The following SERPINB5 variants were observed in gnomAD, a reference collection of about 807,000 sequenced individuals.
The protein encoded by SERPINB5 is serpin B5.
In SERPINB5, 27 loss-of-function variants were observed where a neutral mutation model predicts 32.2. The ratio of observed to expected loss-of-function variants is 0.84; its 90% confidence interval spans 0.62 to 1.16. SERPINB5 has a LOEUF of 1.16. SERPINB5 is among the 50% of genes most tolerant of loss of function. The pLI is 0.00. For missense variants in SERPINB5, 388 were observed against 436.3 expected (o/e 0.89, Z 0.99); for synonymous variants, 154 against 157.4 (o/e 0.98, Z 0.16).
rs768100816 is a variant in SERPINB5, at chr18:63,493,019, C to G, written c.491C>G (p.Ala164Gly). The change falls in exon 5 of 7, where the codon GCT (alanine) becomes GGT (glycine). Residue 164 changes from alanine to glycine, a missense_variant. By Grantham distance (60) the Ala-to-Gly change is moderately conservative (BLOSUM62 0). Coordinates refer to ENST00000382771, the MANE Select transcript of SERPINB5 (RefSeq NM_002639.5). ...NDQTKILVVNAAYFVGKWMKK... is the reference protein window; with the variant it reads ...NDQTKILVVNGAYFVGKWMKK... The stretch of plus-strand genomic sequence containing the variant: ...CAGACCAAAATCCTTGTGGTTAATG[C>G]TGCCTACTTTGTTGGCAAGTGGATG... 4 of 1,614,064 alleles carry G rather than the reference C, an allele frequency of 2.5e-6. No homozygotes were observed. In the African/African-American group the frequency reaches 4.0e-5, roughly 16 times the overall value.
At chr18:63,478,758 G>GCTT (rs11437448) in intron 1 of SERPINB5, among the ~76,000 whole-genome samples, 3 of 135,382 alleles carry the variant, frequency 2.2e-5, no homozygotes, top group Non-Finnish European at 3.1e-5. Flanking sequence ...TAAAAACGTA[G>GCTT]TTTTTTTTTT....
At chr18:63,478,818 G>A (rs1365087343) in intron 1 of SERPINB5, among the ~76,000 whole-genome samples, 1 of 147,760 alleles carries the variant, frequency 6.8e-6, no homozygotes, top group Non-Finnish European at 1.5e-5. Flanking sequence ...GGAGTGCAGT[G>A]GCACGATCTT....
rs940272588 is a variant in SERPINB5, at chr18:63,503,874, CAGAT to C, written c.*156_*159del. ...GTACTTGTCATATGTAGCCTTCACA[CAGAT>C]AGACCTTTTTTTTTTTTCCAATTCT... On this transcript the variant is annotated 3_prime_UTR_variant, in exon 7 of 7. Coordinates refer to ENST00000382771, the MANE Select transcript of SERPINB5 (RefSeq NM_002639.5). 2 of 682,260 alleles carry C rather than the reference CAGAT, an allele frequency of 2.9e-6. No individual in the cohort carries two copies. Among genetic ancestry groups the C allele is most frequent in the Admixed American group, 2.9e-5 (1 of 34,128 alleles). The allele number at this position is 682,260 out of a possible 1,614,324, so 42.3% of individuals were successfully genotyped here.
At chr18:63,479,094 C>T (rs1196167745) in intron 1 of SERPINB5, among the ~76,000 whole-genome samples, 1 of 152,132 alleles carries the variant, frequency 6.6e-6, no homozygotes, top group Non-Finnish European at 1.5e-5. Context: ...AAAAACTATA[C>T]TCATAGCTCT....
chr18:63,493,105 G>A lies in SERPINB5; in HGVS notation c.567+10G>A. ...TTTCAGAGTCAACAAGGTATGTGGG[G>A]CAGCATGTAGCAGTAAAAGGAGCCC... is the stretch of plus-strand genomic sequence containing the variant. On this transcript the variant is annotated intron_variant, in intron 5 of 6. Transcript: ENST00000382771. 1 of 1,614,116 alleles carries A rather than the reference G, an allele frequency of 6.2e-7. No individual in the cohort carries two copies. The highest frequency in any genetic ancestry group is 8.5e-7 in the Non-Finnish European group (1 of 1,180,026).
At position 63,505,040 on chromosome 18, in the gene SERPINB5, T is replaced by C. The variant is rs531952507; in HGVS notation, c.*1318T>C. 1.4e-4 allele frequency: 21 copies of C among 152,250 alleles called. No homozygotes were observed. The highest frequency in any genetic ancestry group is 4.8e-4 in the African/African-American group (20 of 41,544). The allele number at this position is 152,250 out of a possible 1,614,324, so 9.4% of individuals were successfully genotyped here. A position where few individuals can be genotyped will look rare whatever the true frequency, so the allele number is the denominator to read the frequency against. ...GTTCTTCTTGTTCTGAGATTCAATA[T>C]TGAATTTTTCCTATGCTATTGACAA... On this transcript the variant is annotated 3_prime_UTR_variant, in exon 7 of 7. Transcript: ENST00000382771.
intron 4 of SERPINB5, among the ~76,000 whole-genome samples, chr18:63,490,933 A>T (rs965102666): frequency 2.0e-5 from 3 of 152,154 alleles, no homozygotes; most frequent in Non-Finnish European, 4.4e-5. Context: ...TCACCCAAGC[A>T]GTGTACACTG....
chr18:63,493,291 C>T, intron 5 of SERPINB5, 196 bp downstream of exon 5: 1 of 680,412 alleles, frequency 1.5e-6, no homozygotes, highest in Non-Finnish European at 2.6e-6. Context: ...TCCTCTTTTC[C>T]ATAATGTCTT....
intron 2 of SERPINB5, 143 bp downstream of exon 2, chr18:63,484,739 A>ATT: frequency 6.9e-6 from 1 of 144,446 alleles, no homozygotes; most frequent in Non-Finnish European, 1.3e-5. Flanking sequence ...GACTCTCTTA[A>ATT]TCTTTTTTTT....
At chr18:63,480,406 A>C (rs1047398949) in intron 1 of SERPINB5, among the ~76,000 whole-genome samples, 10 of 152,360 alleles carry the variant, frequency 6.6e-5, no homozygotes, top group Non-Finnish European at 8.8e-5. Context: ...GTTTTCACAG[A>C]AATGGAAGAA....
intron 1 of SERPINB5, among the ~76,000 whole-genome samples, chr18:63,482,319 G>A (rs990494266): frequency 2.0e-5 from 3 of 152,132 alleles, no homozygotes; most frequent in African/African-American, 7.2e-5. Context: ...CTGGCCAAAG[G>A]GAGTCCTCTA....
At chr18:63,493,850 C>T (rs1032517794) in intron 5 of SERPINB5, 1 of 126,460 alleles carries the variant, frequency 7.9e-6, no homozygotes, top group African/African-American at 3.2e-5. Flanking sequence ...GAGTGAAACT[C>T]CACCTCAAGA....
chr18:63,484,605 C>G lies in SERPINB5; in HGVS notation c.168+9C>G, dbSNP rs752191158. ...CAAATGAAATTGGACAGGTAAGCCC[C>G]AAAACCTTGTTTCTACTTTAAGTGG... On this transcript the variant is annotated intron_variant, in intron 2 of 6. Transcript: ENST00000382771. The G allele has an allele frequency of 3.1e-6, 5 of 1,608,086 alleles. No individual in the cohort carries two copies. The highest frequency in any genetic ancestry group is 4.2e-6 in the Non-Finnish European group (5 of 1,178,092).
Position 63,493,012 on chromosome 18 carries a change from G to T in SERPINB5, c.484G>T (p.Val162Phe), listed in dbSNP as rs762194029. Reference protein sequence around the residue: ...SVNDQTKILVVNAAYFVGKWM... With the variant: ...SVNDQTKILVFNAAYFVGKWM... Reference sequence around the variant, plus strand: ...GAACGACCAGACCAAAATCCTTGTGGTTAATGCTGCCTACTTTGTTGGCAA... The same window carrying T: ...GAACGACCAGACCAAAATCCTTGTGTTTAATGCTGCCTACTTTGTTGGCAA... Residue 162 changes from valine to phenylalanine, a missense_variant, in exon 5 of 7, where the codon GTT becomes TTT. Val to Phe is a conservative substitution (Grantham distance 50, BLOSUM62 -1). Coordinates refer to ENST00000382771, the MANE Select transcript of SERPINB5 (RefSeq NM_002639.5). The T allele has an allele frequency of 6.2e-7, 1 of 1,614,206 alleles. No homozygotes were observed. Among genetic ancestry groups the T allele is most frequent in the South Asian group, 1.1e-5 (1 of 91,076 alleles).
chr18:63,486,852 A>G (rs927797083), intron 2 of SERPINB5, 94 bp from the exon 3 acceptor site: 13 of 1,323,400 alleles, frequency 9.8e-6, no homozygotes, highest in Non-Finnish European at 1.3e-5. Flanking sequence ...AGGAGTCTGT[A>G]TGCCCAAGGA....
intron 2 of SERPINB5, chr18:63,485,890 T>C (rs1408339751): frequency 6.5e-6 from 1 of 152,924 alleles, no homozygotes; most frequent in African/African-American, 2.4e-5. Context: ...ATCTGGGTTG[T>C]GGAATCACAG....
At chr18:63,497,183 C>G (rs1909464998) in intron 5 of SERPINB5, 1 of 673,866 alleles carries the variant, frequency 1.5e-6, no homozygotes, top group Non-Finnish European at 2.8e-6. Context: ...GACATTGACA[C>G]CGCAGCCAAG....
chr18:63,489,532 T>G, intron 4 of SERPINB5, 68 bp downstream of exon 4: 1 of 846,170 alleles, frequency 1.2e-6, no homozygotes, highest in Non-Finnish European at 1.9e-6. Context: ...CATAAATGTT[T>G]GCTCCAAGGA....
chr18:63,504,819 A>G lies in SERPINB5; in HGVS notation c.*1097A>G, dbSNP rs1909644674. On this transcript the variant is annotated 3_prime_UTR_variant, in exon 7 of 7. Coordinates refer to ENST00000382771, the MANE Select transcript of SERPINB5 (RefSeq NM_002639.5). ...TAAAGTGCTCACGTTACCTTGACACATAGTTTTTCAGTCTATGGGTTTAGT... is the reference window on the plus strand; with the variant it reads ...TAAAGTGCTCACGTTACCTTGACACGTAGTTTTTCAGTCTATGGGTTTAGT... 6.6e-6 allele frequency: 1 copy of G among 152,230 alleles called. No homozygotes were observed. Among genetic ancestry groups the G allele is most frequent in the South Asian group, 2.1e-4 (1 of 4,838 alleles). 9.4% of individuals were successfully genotyped at this position (152,230 alleles called of 1,614,324 possible).
Sources: gnomAD v4.1 joint callset for allele counts (sites outside exome capture counted in the v4.1 genomes callset) on GRCh38, gnomAD v4.1.1 for gene constraint, MANE v1.5 for transcripts, NCBI Gene and HGNC (gene_info 2026-07-23, HGNC 2026-07-21) for gene names.